Variants in OLFM1 observed in about 807,000 individuals in gnomAD.
The protein encoded by OLFM1 is olfactomedin 1.
Under a neutral mutation model 49.7 loss-of-function variants are expected in OLFM1, and 9 were observed. The observed-to-expected ratio is 0.18, with a 90% confidence interval of 0.11 to 0.32. The LOEUF (loss-of-function observed/expected upper bound fraction) is 0.32. Ranked by LOEUF, OLFM1 falls within the 10% of genes least tolerant of loss-of-function variation. The pLI, the probability that OLFM1 is intolerant of heterozygous loss-of-function variation, is 1.00. For missense variants in OLFM1, 369 were observed against 661.8 expected (o/e 0.56, Z 4.85); for synonymous variants, 240 against 271.8 (o/e 0.88, Z 1.15).
chr9:135,076,806 C>T (rs1830472308), intron 1 of OLFM1: 3 of 1,536,314 alleles, frequency 2.0e-6, no homozygotes, highest in Non-Finnish European at 2.6e-6. Flanking sequence ...CCTCCATCTC[C>T]CTCAGAATAA....
intron 1 of OLFM1, chr9:135,076,933 C>T: frequency 1.3e-6 from 2 of 1,550,656 alleles, no homozygotes; most frequent in Admixed American, 3.9e-5. Context: ...GGCTCCCTGG[C>T]TCTGCCCAGG....
At position 135,120,488 on chromosome 9, in the gene OLFM1, G is replaced by A. The variant is rs1316651718; in HGVS notation, c.*310G>A. The A allele has an allele frequency of 8.2e-6, 3 of 366,896 alleles. No individual in the cohort carries two copies. The South Asian group carries it at 1.2e-4, about 15-fold the overall frequency. 22.7% of individuals were successfully genotyped at this position (366,896 alleles called of 1,614,324 possible). ...GAGGCGAGGCAATGACTGTTGGCCA[G>A]TTCTCACCGGGGAAAAACCCACTGT... On this transcript the variant is annotated 3_prime_UTR_variant, in exon 6 of 6. Transcript: ENST00000371793.
intron 1 of OLFM1, among the ~76,000 whole-genome samples, chr9:135,079,716 G>A (rs1163169778): frequency 1.3e-5 from 2 of 152,088 alleles, no homozygotes; most frequent in African/African-American, 4.8e-5. Context: ...GTGGGTTGAG[G>A]GTATTTGAAG....
At chr9:135,094,081 C>T (rs113911799) in intron 2 of OLFM1, among the ~76,000 whole-genome samples, 37 of 152,168 alleles carry the variant, frequency 2.4e-4, no homozygotes, top group African/African-American at 8.9e-4. Context: ...TGTGGGCCTT[C>T]GCTCCTGGGG....
intron 5 of OLFM1, among the ~76,000 whole-genome samples, chr9:135,115,188 C>T (rs11789435): frequency 0.16 from 24,197 of 152,242 alleles, 2,212 homozygotes; most frequent in African/African-American, 0.24. Context: ...TGGGAGCCAC[C>T]GAAATCTTCA....
chr9:135,084,430 C>T (rs1830571271), upstream of OLFM1, among the ~76,000 whole-genome samples: 1 of 115,852 alleles, frequency 8.6e-6, no homozygotes, highest in Non-Finnish European at 1.8e-5. This position sits in a 1 kb window ranked among gnomAD's most constrained non-coding sequence, Gnocchi z 4.6. Flanking sequence ...TGTCTCTCCT[C>T]TCTGTCTCTA....
rs1588205449 is a variant in OLFM1 at position 135,088,106 on chromosome 9, G to T, written c.117G>T (p.Ala39=). ...GCCTCAACACCACCAAGCTCTCGGCGGCCGGCGGCGGGACGCTGGACCGCA... is the reference window on the plus strand; with the variant it reads ...GCCTCAACACCACCAAGCTCTCGGCTGCCGGCGGCGGGACGCTGGACCGCA... ...LVGLNTTKLS[A]AGGGTLDRST... is the part of the protein sequence containing the mutation. Residue 39 remains alanine (A), a synonymous_variant, in exon 1 of 6, where the codon GCG becomes GCT. Transcript: ENST00000371793. This position sits in a 1 kb window ranked among gnomAD's most constrained non-coding sequence, Gnocchi z 4.8. 2.1e-6 allele frequency: 3 copies of T among 1,412,436 alleles called. No homozygotes were observed. Among genetic ancestry groups the T allele is most frequent in the Admixed American group, 4.8e-5 (2 of 41,360 alleles). 87.5% of individuals were successfully genotyped at this position (1,412,436 alleles called of 1,614,324 possible).
chr9:135,110,158 C>T (rs1371633180), intron 5 of OLFM1, among the ~76,000 whole-genome samples: 2 of 152,180 alleles, frequency 1.3e-5, no homozygotes, highest in East Asian at 3.9e-4. Context: ...TTGGCCAGCT[C>T]TCAACCTGAT....
chr9:135,099,536 GA>G (rs1411129948), intron 4 of OLFM1, among the ~76,000 whole-genome samples: 3 of 152,188 alleles, frequency 2.0e-5, no homozygotes, highest in African/African-American at 4.8e-5. Flanking sequence ...CAAGGGGAAA[GA>G]AAAGAGTCAG....
At chr9:135,076,833 G>A in intron 1 of OLFM1, 1 of 1,548,998 alleles carries the variant, frequency 6.5e-7, no homozygotes, top group Non-Finnish European at 8.7e-7. Flanking sequence ...AAACAAAGCA[G>A]AGAAGATGGG....
chr9:135,077,376 T>C (rs1481116527), intron 1 of OLFM1: 5 of 1,029,550 alleles, frequency 4.9e-6, no homozygotes, highest in African/African-American at 1.6e-5. Context: ...GGCCAAAAGA[T>C]GCTTTTCCTC....
At chr9:135,087,328 A>T, upstream of OLFM1, 1 of 1,535,202 alleles carries the variant, frequency 6.5e-7, no homozygotes, top group Non-Finnish European at 8.8e-7. Flanking sequence ...CTTTGCCCCA[A>T]AGCGGACCCT....
At chr9:135,111,712 G>C (rs564402931) in intron 5 of OLFM1, among the ~76,000 whole-genome samples, 75 of 152,224 alleles carry the variant, frequency 4.9e-4, no homozygotes, top group Non-Finnish European at 7.9e-4. Context: ...GTGACCTTTA[G>C]GATATTCTTT....
upstream of OLFM1, among the ~76,000 whole-genome samples, chr9:135,087,014 G>C (rs1422558356): frequency 7.9e-5 from 12 of 152,224 alleles, 1 homozygote; most frequent in Admixed American, 5.9e-4. Flanking sequence ...TGCGCACCGC[G>C]GGCCACGGCA....
chr9:135,086,067 C>G (rs1445734588), upstream of OLFM1, among the ~76,000 whole-genome samples: 2 of 152,236 alleles, frequency 1.3e-5, no homozygotes, highest in African/African-American at 4.8e-5. Flanking sequence ...CCTTGTCCTT[C>G]CGCAGCGGGA....
At chr9:135,118,810 GCCGGGTC>G in intron 5 of OLFM1, among the ~76,000 whole-genome samples, 1 of 127,348 alleles carries the variant, frequency 7.9e-6, no homozygotes, top group Non-Finnish European at 1.6e-5. Context: ...TGGAGTGCTC[GCCGGGTC>G]TTTGGAGTGC....
At chr9:135,084,447 C>T (rs969272944), upstream of OLFM1, among the ~76,000 whole-genome samples, 3 of 36,788 alleles carry the variant, frequency 8.2e-5, no homozygotes, top group Admixed American at 4.3e-4. The surrounding 1 kb of genome is among the most constrained non-coding windows in gnomAD (Gnocchi z 4.6). Flanking sequence ...TCTATTATCT[C>T]TCCTCTCTGT....
rs556432666 is a variant in OLFM1 at position 135,077,439 on chromosome 9, C to T, written c.96+1637C>T. 5 of 586,802 alleles carry T rather than the reference C, an allele frequency of 8.5e-6. No individual in the cohort carries two copies. The East Asian group carries it at 9.5e-5, about 11-fold the overall frequency. 36.3% of individuals were successfully genotyped at this position (586,802 alleles called of 1,614,324 possible). On this transcript the variant is annotated intron_variant, in intron 1 of 5. Transcript: ENST00000252854. ...AAAGATTCCCTGTTCTGGGGAGAAA[C>T]TTTTGGTTCAACTTCAATTAGAAGC...
chr9:135,106,889 GGGCAA>G, intron 5 of OLFM1, 34 bp downstream of exon 5: 1 of 1,527,110 alleles, frequency 6.5e-7, no homozygotes, highest in East Asian at 2.4e-5. Context: ...GGGGTCATTT[GGGCAA>G]GGGCGCTCTC....
Sources: allele counts gnomAD v4.1 joint callset (sites outside exome capture counted in the v4.1 genomes callset), GRCh38; gene constraint gnomAD v4.1.1; non-coding constraint Gnocchi (gnomAD v3.1); transcripts MANE v1.5; gene names NCBI Gene and HGNC (gene_info 2026-07-23, HGNC 2026-07-21).